The following INO80 variants were observed in gnomAD, a reference collection of about 807,000 sequenced individuals.
INO80 encodes INO80 complex ATPase subunit.
A neutral mutation model predicts 203.4 loss-of-function variants in INO80; 20 were observed. The ratio of observed to expected loss-of-function variants is 0.10; its 90% CI spans 0.07 to 0.14. The LOEUF (loss-of-function observed/expected upper bound fraction) is 0.14. Among genes scored for constraint, INO80 ranks in the 10% least tolerant of loss-of-function variants. The pLI is 1.00. For missense variants in INO80, 1,419 were observed against 1,914.4 expected (o/e 0.74, Z 4.83); for synonymous variants, 726 against 685.2 (o/e 1.06, Z -0.93).
At position 41,116,262 on chromosome 15, in the gene INO80, G is replaced by C. The variant is rs1228057226; in HGVS notation, c.-333C>G. ...GCAGGGACACGGGGAGCCATGGCGG[G>C]GGGGAGGAGAGGCGCCATAGCCAGG... On this transcript the variant is annotated 5_prime_UTR_variant, in exon 1 of 36. Coordinates refer to ENST00000648947, the MANE Select transcript of INO80 (RefSeq NM_017553.3). The C allele has an allele frequency of 2.5e-6, 1 of 399,804 alleles. No homozygotes were observed. The highest frequency in any genetic ancestry group is 4.4e-6 in the Non-Finnish European group (1 of 227,280). The allele number at this position is 399,804 out of a possible 1,614,324, so 24.8% of individuals were successfully genotyped here.
chr15:41,004,655 A>G (rs891713238), intron 28 of INO80: 1 of 152,176 alleles, frequency 6.6e-6, no homozygotes, highest in Non-Finnish European at 1.5e-5. Context: ...ACTCAGGATA[A>G]TTATGGCTCG....
chr15:41,071,790 G>C lies in INO80; in HGVS notation c.1605+59C>G, dbSNP rs2045322664. 1.0e-5 allele frequency: 15 copies of C among 1,443,316 alleles called. No homozygotes were observed. In the Middle Eastern group the frequency reaches 6.6e-4, roughly 63 times the overall value. 89.4% of individuals were successfully genotyped at this position (1,443,316 alleles called of 1,614,324 possible). ...CTTGTACTCATTTCACAATCACATT[G>C]AACAAATGACTTTAGGAAAAGAGAT... On this transcript the variant is annotated intron_variant, in intron 12 of 35. Coordinates refer to ENST00000648947, the MANE Select transcript of INO80 (RefSeq NM_017553.3).
chr15:41,080,976 T>C, intron 8 of INO80, 44 bp downstream of exon 8: 2 of 1,300,520 alleles, frequency 1.5e-6, no homozygotes, highest in Non-Finnish European at 2.2e-6. Context: ...GAAGAATATA[T>C]TCCAGCAAAA....
intron 24 of INO80, among the ~76,000 whole-genome samples, chr15:41,042,016 T>TA (rs1491292743): frequency 3.0e-5 from 1 of 33,688 alleles, no homozygotes; most frequent in South Asian, 1.0e-3. Flanking sequence ...TAATTTTTAA[T>TA]TTTTTTTTTT....
At chr15:41,109,375 C>T (rs2045927479) in intron 1 of INO80, among the ~76,000 whole-genome samples, 2 of 151,858 alleles carry the variant, frequency 1.3e-5, no homozygotes, top group Non-Finnish European at 2.9e-5. Context: ...TGCCTGAACC[C>T]GGGAGGCGGA....
At chr15:41,020,146 A>C (rs1040764587) in intron 26 of INO80, among the ~76,000 whole-genome samples, 2 of 152,024 alleles carry the variant, frequency 1.3e-5, no homozygotes, top group Non-Finnish European at 2.9e-5. Context: ...GCTTGAACCC[A>C]GGAGGCGGGG....
chr15:41,000,672 T>G (rs2043946428), intron 28 of INO80, among the ~76,000 whole-genome samples: 1 of 122,592 alleles, frequency 8.2e-6, no homozygotes, highest in Admixed American at 1.1e-4. Flanking sequence ...TCTACTGCAC[T>G]CCAGAGCCTG....
Position 41,096,367 on chromosome 15 carries a change from A to G in INO80, c.-43-14T>C. ...CCGACTGCACGGCTGCAGAACAGAG[A>G]TAAGAAGTGAAAGATGAAATTACTA... On this transcript the variant is annotated splice_polypyrimidine_tract_variant and intron_variant, in intron 1 of 35. Coordinates refer to ENST00000648947, the MANE Select transcript of INO80 (RefSeq NM_017553.3). 6.8e-7 allele frequency: 1 copy of G among 1,480,010 alleles called. No individual in the cohort carries two copies. Among genetic ancestry groups the G allele is most frequent in the Non-Finnish European group, 9.0e-7 (1 of 1,114,604 alleles). 91.7% of individuals were successfully genotyped at this position (1,480,010 alleles called of 1,614,324 possible).
At chr15:41,077,703 G>A (rs956808402) in intron 9 of INO80, among the ~76,000 whole-genome samples, 16 of 151,490 alleles carry the variant, frequency 1.1e-4, no homozygotes, top group African/African-American at 3.9e-4. Context: ...TGGGACTATA[G>A]GCATGTGCCA....
intron 26 of INO80, among the ~76,000 whole-genome samples, chr15:41,020,026 C>A (rs2044266889): frequency 6.6e-6 from 1 of 152,146 alleles, no homozygotes; most frequent in Non-Finnish European, 1.5e-5. Context: ...TCGAGACCAT[C>A]CTGGCTAACA....
chr15:41,031,909 T>C (rs891851073), intron 24 of INO80, among the ~76,000 whole-genome samples: 2 of 147,568 alleles, frequency 1.4e-5, no homozygotes, highest in Admixed American at 1.4e-4. Context: ...TGCATACTCC[T>C]TGCCACAGCA....
intron 9 of INO80, among the ~76,000 whole-genome samples, chr15:41,078,973 T>G (rs1321947665): frequency 1.3e-5 from 2 of 152,098 alleles, no homozygotes; most frequent in African/African-American, 4.8e-5. Flanking sequence ...AAACCCTGTC[T>G]CTACTAAAAA....
intron 35 of INO80, among the ~76,000 whole-genome samples, chr15:40,981,992 T>C (rs1014073926): frequency 6.6e-6 from 1 of 152,236 alleles, no homozygotes; most frequent in African/African-American, 2.4e-5. Context: ...AGCAGGACCA[T>C]GGTTCCCTCT....
intron 1 of INO80, among the ~76,000 whole-genome samples, chr15:41,111,922 C>T (rs1470771279): frequency 2.6e-5 from 4 of 152,080 alleles, no homozygotes; most frequent in Admixed American, 2.6e-4. Flanking sequence ...AAGAACCTTG[C>T]TCTGGAGGGA....
In INO80 at chr15:40,979,843, C is replaced by T. The variant is rs921055402; in HGVS notation, c.*380G>A. 4 of 256,928 alleles carry T rather than the reference C, an allele frequency of 1.6e-5. No homozygotes were observed. The highest frequency in any genetic ancestry group is 9.9e-5 in the Admixed American group (2 of 20,170). The allele number at this position is 256,928 out of a possible 1,614,324, so 15.9% of individuals were successfully genotyped here. On this transcript the variant is annotated 3_prime_UTR_variant, in exon 36 of 36. Transcript: ENST00000648947. ...CTCTACCATGGAAGGCTCTTCACAG[C>T]ACCTGCGGAGACTTTGCAAGGGACG...
At chr15:41,076,084 GGCATGGTA>G (rs1330617692) in intron 9 of INO80, among the ~76,000 whole-genome samples, 4 of 152,206 alleles carry the variant, frequency 2.6e-5, no homozygotes, top group African/African-American at 9.6e-5. Context: ...TTTTTGGCCA[GGCATGGTA>G]GCTCATGCCT....
intron 25 of INO80, among the ~76,000 whole-genome samples, chr15:41,021,361 C>A (rs914972625): frequency 2.0e-5 from 3 of 152,142 alleles, no homozygotes; most frequent in African/African-American, 7.2e-5. Flanking sequence ...CCAAAGAGAG[C>A]TGGAGTTTGC....
At chr15:41,036,645 T>C (rs540106567) in intron 24 of INO80, among the ~76,000 whole-genome samples, 14 of 152,284 alleles carry the variant, frequency 9.2e-5, no homozygotes, top group African/African-American at 2.6e-4. Context: ...TCCACCAATA[T>C]TGTTATTAAT....
At chr15:41,029,320 GTTC>G (rs140951663) in intron 24 of INO80, among the ~76,000 whole-genome samples, 11,159 of 152,210 alleles carry the variant, frequency 0.073, 1,170 homozygotes, top group African/African-American at 0.24. Flanking sequence ...AAGGAAATGG[GTTC>G]TTAAGGCTCA....
Sources: allele counts gnomAD v4.1 joint callset (sites outside exome capture counted in the v4.1 genomes callset), GRCh38; gene constraint gnomAD v4.1.1; transcripts MANE v1.5; gene names NCBI Gene and HGNC (gene_info 2026-07-23, HGNC 2026-07-21).